The following PNPLA7 variants were observed in gnomAD, a reference collection of about 807,000 sequenced individuals.
The protein encoded by PNPLA7 is patatin-like phospholipase domain-containing protein 7.
In PNPLA7, 153 loss-of-function variants were observed where a neutral mutation model predicts 161.7. That is an observed-to-expected ratio of 0.95 (90% CI 0.83 to 1.08). PNPLA7 has a LOEUF of 1.08. Ranked by LOEUF, PNPLA7 falls within the 50% of genes least tolerant of loss-of-function variation. The probability of loss-of-function intolerance (pLI) is 0.00; values close to 1 mark genes in which losing one functional copy is unlikely to be tolerated. For missense variants in PNPLA7, 1,739 were observed against 1,856.6 expected, an observed-to-expected ratio of 0.94 and a Z score of 1.16; for synonymous variants, 809 against 782.1, an observed-to-expected ratio of 1.03 and a Z score of -0.57.
At chr9:137,496,541 A>G (rs1231598511) in intron 18 of PNPLA7, among the ~76,000 whole-genome samples, 2 of 151,952 alleles carry the variant, frequency 1.3e-5, no homozygotes, top group Non-Finnish European at 2.9e-5. Flanking sequence ...GAGAAACCCC[A>G]TCTCTACTAA....
At chr9:137,464,310 C>T in intron 27 of PNPLA7, 30 bp downstream of exon 27, 4 of 1,607,342 alleles carry the variant, frequency 2.5e-6, no homozygotes, top group Non-Finnish European at 2.6e-6. Flanking sequence ...GCACTGGGGG[C>T]TGCATGGGCT....
At position 137,467,983 on chromosome 9, in the gene PNPLA7, G is replaced by A. The variant is rs1320793557; in HGVS notation, c.2883-510C>T. ...GGGACTGTGAGGCTGGGATGGGGAG[G>A]AAGGTGTCCTGAGAGTTGACCGGCA... On this transcript the variant is annotated intron_variant, in intron 25 of 34. Coordinates refer to ENST00000406427, the MANE Select transcript of PNPLA7 (RefSeq NM_001098537.3). This position sits in a 1 kb window ranked among gnomAD's most constrained non-coding sequence, Gnocchi z 5.1. 1.3e-5 allele frequency among the ~76,000 whole-genome samples: 2 copies of A among 152,058 alleles called. No individual in the cohort carries two copies. The highest frequency in any genetic ancestry group is 1.9e-4 in the East Asian group (1 of 5,186).
rs573591169 is a variant in PNPLA7 at position 137,513,102 on chromosome 9, G to A, written c.1225+2277C>T. Among the ~76,000 whole-genome samples, 552 of 152,298 alleles carry A rather than the reference G, an allele frequency of 3.6e-3. 3 individuals carry two copies. The highest frequency in any genetic ancestry group is 0.014 in the South Asian group (68 of 4,826). The stretch of plus-strand genomic sequence containing the variant: ...GTTGGGTAAATTATCACCATAAAGA[G>A]TAAGGAAAAGATGAATTTCTTCCCT... On this transcript the variant is annotated intron_variant, in intron 12 of 34. Coordinates refer to ENST00000406427, the MANE Select transcript of PNPLA7 (RefSeq NM_001098537.3).
chr9:137,515,551 T>C, intron 11 of PNPLA7, 32 bp from the exon 12 acceptor site: 1 of 1,504,928 alleles, frequency 6.6e-7, no homozygotes, highest in Non-Finnish European at 8.9e-7. Context: ...GCAACCTTGT[T>C]TGCACGCACT....
At chr9:137,508,024 T>C (rs914999645) in intron 12 of PNPLA7, among the ~76,000 whole-genome samples, 7 of 151,822 alleles carry the variant, frequency 4.6e-5, no homozygotes, top group Non-Finnish European at 1.0e-4. Context: ...AAGAGATCTC[T>C]ATCTACAAAA....
At chr9:137,542,549 G>C in intron 7 of PNPLA7, 93 bp downstream of exon 7, 1 of 1,348,162 alleles carries the variant, frequency 7.4e-7, no homozygotes, top group Non-Finnish European at 9.7e-7. Context: ...ATTTTGCCTA[G>C]CTTTTCAATG....
rs545227224 is a variant in PNPLA7 at position 137,499,349 on chromosome 9, G to A, written c.1758-1104C>T. On this transcript the variant is annotated intron_variant, in intron 16 of 34. Coordinates refer to ENST00000406427, the MANE Select transcript of PNPLA7 (RefSeq NM_001098537.3). This position sits in a 1 kb window ranked among gnomAD's most constrained non-coding sequence, Gnocchi z 5.5. ...AGACACACGCAGACACACGACACAC[G>A]CAGACACACAGATAGACACACAGCA... is the stretch of plus-strand genomic sequence containing the variant. Among the ~76,000 whole-genome samples the A allele has an allele frequency of 5.9e-5, 9 of 152,092 alleles. No homozygotes were observed. Among genetic ancestry groups the A allele is most frequent in the Admixed American group, 6.5e-5 (1 of 15,282 alleles).
At chr9:137,465,328 C>T (rs2132068840) in intron 26 of PNPLA7, among the ~76,000 whole-genome samples, 2 of 152,276 alleles carry the variant, frequency 1.3e-5, no homozygotes, top group Middle Eastern at 6.8e-3. Context: ...CCCGGCCTCA[C>T]CTTGCCCCGG....
In PNPLA7 at chr9:137,542,725, C is replaced by T. The variant is rs941681617; in HGVS notation, c.583G>A (p.Glu195Lys). Residue 195 changes from glutamate to lysine, a missense_variant, in exon 7 of 35, where the codon GAG (glutamate) becomes AAG (lysine). By Grantham distance (56) the Glu-to-Lys change is moderately conservative. Coordinates refer to ENST00000406427, the MANE Select transcript of PNPLA7 (RefSeq NM_001098537.3). ...HIVFVQLQEG[E>K]HVFQPREPDP... ...GGCTCCCTGGGCTGGAAGACGTGCT[C>T]CCCTTCCTGCAGCTGCACAAAGACG... 2 of 1,613,690 alleles carry T rather than the reference C, an allele frequency of 1.2e-6. No homozygotes were observed. The highest frequency in any genetic ancestry group is 1.7e-6 in the Non-Finnish European group (2 of 1,180,026).
intron 18 of PNPLA7, among the ~76,000 whole-genome samples, chr9:137,495,825 G>A (rs925446031): frequency 2.6e-5 from 4 of 152,212 alleles, no homozygotes; most frequent in Non-Finnish European, 2.9e-5. Flanking sequence ...GCCGGCATCC[G>A]GCCTGGAGTG....
chr9:137,508,619 TACTC>T (rs1316993785), intron 12 of PNPLA7, among the ~76,000 whole-genome samples: 2 of 152,142 alleles, frequency 1.3e-5, no homozygotes, highest in East Asian at 3.9e-4. Flanking sequence ...TCTTGACCCC[TACTC>T]ACTTTCTACA....
chr9:137,485,915 T>C (rs1413701211), intron 20 of PNPLA7, among the ~76,000 whole-genome samples: 1 of 152,154 alleles, frequency 6.6e-6, no homozygotes, highest in Admixed American at 6.5e-5. Context: ...CCAGGCCCTC[T>C]TTACTGGATG....
intron 12 of PNPLA7, among the ~76,000 whole-genome samples, chr9:137,513,457 C>T (rs1007700285): frequency 6.6e-5 from 9 of 136,304 alleles, no homozygotes; most frequent in African/African-American, 1.9e-4. Context: ...GCCTGGGCAA[C>T]AAGAGTGAAA....
chr9:137,479,058 G>C lies in PNPLA7; in HGVS notation c.2761C>G (p.Leu921Val). The change falls in exon 24 of 35, where the codon CTG becomes GTG. Residue 921 changes from leucine to valine, a missense_variant and splice_region_variant. Leu to Val is a conservative substitution (Grantham distance 32). Coordinates refer to ENST00000406427, the MANE Select transcript of PNPLA7 (RefSeq NM_001098537.3). ...GCAGCCTCCTCTCCCCGCCTCACCA[G>C]CTTGGGCAGGCTCCTCCTGGAGAAG... ...RVFSRRSLPK[L>V]VEMYKHVFQR... 1.9e-6 allele frequency: 3 copies of C among 1,581,314 alleles called. No homozygotes were observed. Among genetic ancestry groups the C allele is most frequent in the East Asian group, 2.3e-5 (1 of 43,774 alleles).
rs775206809 is a variant in PNPLA7 at position 137,480,956 on chromosome 9, G to A, written c.2411+4C>T. ...AGGAAGGAGTCGGGGCTGGCGGCAC[G>A]CACCTGTCCAGGGCAGCGGAGCCAA... On this transcript the variant is annotated splice_donor_region_variant and intron_variant, in intron 22 of 34. Transcript: ENST00000406427. 44 of 1,551,308 alleles carry A rather than the reference G, an allele frequency of 2.8e-5. No homozygotes were observed. Among genetic ancestry groups the A allele is most frequent in the Non-Finnish European group, 3.1e-5 (36 of 1,146,928 alleles).
chr9:137,469,717 A>G (rs1831628875), intron 25 of PNPLA7, among the ~76,000 whole-genome samples: 1 of 152,042 alleles, frequency 6.6e-6, no homozygotes, highest in Non-Finnish European at 1.5e-5. Flanking sequence ...TTAAAGAGCC[A>G]AAAACAAACA....
intron 10 of PNPLA7, 53 bp downstream of exon 10, chr9:137,521,583 C>T (rs370901653): frequency 7.4e-4 from 1,160 of 1,575,934 alleles, no homozygotes; most frequent in Admixed American, 8.9e-4. Context: ...ATAGCTGTCC[C>T]GATGCCAGCT....
intron 14 of PNPLA7, among the ~76,000 whole-genome samples, chr9:137,504,052 GGAA>G (rs746491456): frequency 9.0e-5 from 13 of 144,632 alleles, no homozygotes; most frequent in East Asian, 6.2e-4. Flanking sequence ...GAAAGAAGAA[GGAA>G]GAAGAAGAAA....
intron 14 of PNPLA7, among the ~76,000 whole-genome samples, chr9:137,504,681 C>T (rs1449468998): frequency 2.0e-5 from 3 of 152,162 alleles, no homozygotes; most frequent in South Asian, 2.1e-4. Flanking sequence ...ACTTGCAGAA[C>T]GACACCGTGG....
Sources: gnomAD v4.1 joint callset for allele counts (sites outside exome capture counted in the v4.1 genomes callset) on GRCh38, gnomAD v4.1.1 for gene constraint, Gnocchi (gnomAD v3.1) non-coding constraint, MANE v1.5 for transcripts, NCBI Gene and HGNC (gene_info 2026-07-23, HGNC 2026-07-21) for gene names.